DOCK11: variants seen among roughly 807,000 people sequenced by gnomAD.
DOCK11 encodes the protein dedicator of cytokinesis protein 11.
A neutral mutation model predicts 169.1 loss-of-function variants in DOCK11; 70 were observed. The observed-to-expected ratio is 0.41, with a 90% CI of 0.34 to 0.51. The LOEUF (loss-of-function observed/expected upper bound fraction) is 0.51, where lower values mean the gene tolerates loss of function less well. DOCK11 is among the 20% of genes least tolerant of loss of function. The pLI is 0.10. For missense variants in DOCK11, 1,166 were observed against 1,538.8 expected, an observed-to-expected ratio of 0.76 and a Z score of 4.05; for synonymous variants, 529 against 541.3, an observed-to-expected ratio of 0.98 and a Z score of 0.32.
intron 31 of DOCK11, among the ~76,000 whole-genome samples, chrX:118,620,917 A>G (rs1401848377): frequency 8.9e-6 from 1 of 112,861 alleles, no homozygotes; most frequent in Admixed American, 9.4e-5. Context: ...GCCTTTTCAC[A>G]TGAAAGAGAA....
chrX:118,641,343 C>A lies in DOCK11; in HGVS notation c.4260+38C>A, dbSNP rs774599985. On this transcript the variant is annotated intron_variant, in intron 39 of 52. Coordinates refer to ENST00000276202, the MANE Select transcript of DOCK11 (RefSeq NM_144658.4). ...AGTTATAATTCAGTTGGTACCATTG[C>A]AAAGTAACATTATGCAGAAATTACC... 14 of 996,863 alleles carry A rather than the reference C, an allele frequency of 1.4e-5. No homozygotes were observed. In the Admixed American group the frequency reaches 3.2e-4, roughly 23 times the overall value. The allele number at this position is 996,863 out of a possible 1,213,427, so 82.2% of individuals were successfully genotyped here. A position where few individuals can be genotyped will look rare whatever the true frequency, so the allele number is the denominator to read the frequency against.
chrX:118,526,237 C>T (rs1454968646), intron 1 of DOCK11, among the ~76,000 whole-genome samples: 1 of 111,943 alleles, frequency 8.9e-6, no homozygotes, highest in African/African-American at 3.3e-5. Flanking sequence ...GTCATTCTCA[C>T]ATCCCTTACT....
intron 1 of DOCK11, among the ~76,000 whole-genome samples, chrX:118,514,933 C>A (rs1439154687): frequency 8.9e-6 from 1 of 112,015 alleles, no homozygotes; most frequent in African/African-American, 3.2e-5. Context: ...TGGCCTAAAA[C>A]AAGTTTGTTC....
intron 10 of DOCK11, among the ~76,000 whole-genome samples, chrX:118,571,573 C>T (rs2013274573): frequency 9.0e-6 from 1 of 110,949 alleles, no homozygotes; most frequent in Admixed American, 9.6e-5. Flanking sequence ...TGGTCTCGAA[C>T]TCCTGGCCTC....
chrX:118,622,293 C>T lies in DOCK11; in HGVS notation c.3472-2246C>T, dbSNP rs967191641. Among the ~76,000 whole-genome samples, 16 of 111,843 alleles carry T rather than the reference C, an allele frequency of 1.4e-4. 1 individual carries two copies. Among genetic ancestry groups the T allele is most frequent in the Admixed American group, 8.6e-4 (9 of 10,511 alleles). On this transcript the variant is annotated intron_variant, in intron 31 of 52. Coordinates refer to ENST00000276202, the MANE Select transcript of DOCK11 (RefSeq NM_144658.4). ...TATATGTATAAAATATAACAGAAACCATTATACATTTTTCTTTTTTCACTT... is the reference window on the plus strand; with the variant it reads ...TATATGTATAAAATATAACAGAAACTATTATACATTTTTCTTTTTTCACTT...
intron 1 of DOCK11, 116 bp downstream of exon 1, chrX:118,496,189 C>A: frequency 2.0e-6 from 1 of 508,678 alleles, no homozygotes; most frequent in Non-Finnish European, 2.6e-6. Flanking sequence ...TGTCTTTCTC[C>A]GCTCCAGTAA....
In DOCK11 at chrX:118,506,794, T is replaced by C. The variant is rs138675060; in HGVS notation, c.102+10721T>C. Among the ~76,000 whole-genome samples, 288 of 112,546 alleles carry C rather than the reference T, an allele frequency of 2.6e-3. 2 individuals carry two copies. The highest frequency in any genetic ancestry group is 8.5e-3 in the African/African-American group (263 of 31,040). ...GTAGCAGGATAAGTTCTGTTAAGGA[T>C]AGTGTGTGGCTGGGCATGATGGCTA... is the stretch of plus-strand genomic sequence containing the variant. On this transcript the variant is annotated intron_variant, in intron 1 of 52. Transcript: ENST00000276202.
At chrX:118,564,620 T>A (rs1371924675) in intron 7 of DOCK11, among the ~76,000 whole-genome samples, 1 of 112,077 alleles carries the variant, frequency 8.9e-6, no homozygotes, top group Non-Finnish European at 1.9e-5. Context: ...TTATTTTTTC[T>A]TTCTTTTTTA....
At chrX:118,528,671 G>A (rs1038240780) in intron 1 of DOCK11, among the ~76,000 whole-genome samples, 2 of 110,724 alleles carry the variant, frequency 1.8e-5, no homozygotes. Flanking sequence ...GGGCGTGGGC[G>A]AGTGCTTCTT....
At chrX:118,612,992 C>G (rs1285666279) in intron 28 of DOCK11, among the ~76,000 whole-genome samples, 1 of 111,768 alleles carries the variant, frequency 8.9e-6, no homozygotes, top group Non-Finnish European at 1.9e-5. Context: ...ATTAGAAAAC[C>G]AATCATCCGC....
At chrX:118,536,038 T>A (rs1426753897) in intron 1 of DOCK11, among the ~76,000 whole-genome samples, 3 of 112,119 alleles carry the variant, frequency 2.7e-5, no homozygotes, top group East Asian at 5.6e-4. Context: ...CTGGACACAG[T>A]GGCTCATGCC....
intron 14 of DOCK11, among the ~76,000 whole-genome samples, chrX:118,582,479 G>A (rs898114113): frequency 9.0e-6 from 1 of 111,415 alleles, no homozygotes; most frequent in African/African-American, 3.3e-5. Context: ...GTTCTAATGA[G>A]GAATTAAGGT....
chrX:118,591,147 C>T (rs2013981353), intron 19 of DOCK11, among the ~76,000 whole-genome samples: 2 of 112,134 alleles, frequency 1.8e-5, no homozygotes, highest in African/African-American at 6.5e-5. Flanking sequence ...ACCATCCCCC[C>T]GGCTGTGGTG....
chrX:118,541,493 G>C (rs773617605), intron 1 of DOCK11, among the ~76,000 whole-genome samples: 2 of 111,848 alleles, frequency 1.8e-5, no homozygotes, highest in Admixed American at 1.9e-4. Flanking sequence ...TGCAGAAGTG[G>C]GTGCCGTCTT....
At chrX:118,626,026 A>G (rs986151697) in intron 32 of DOCK11, among the ~76,000 whole-genome samples, 2 of 107,033 alleles carry the variant, frequency 1.9e-5, no homozygotes, top group African/African-American at 3.4e-5. Context: ...TCTCCAAGCC[A>G]CCAAATATCT....
rs1025757920 is a variant in DOCK11 at position 118,542,659 on chromosome X, T to C, written c.103-66T>C. ...CCTTTGAGAAGTAATGTATCTTTAGTACATAGAAAGTTATTTAACTCTTGT... is the reference window on the plus strand; with the variant it reads ...CCTTTGAGAAGTAATGTATCTTTAGCACATAGAAAGTTATTTAACTCTTGT... On this transcript the variant is annotated intron_variant, in intron 1 of 52. Transcript: ENST00000276202. 10 of 791,690 alleles carry C rather than the reference T, an allele frequency of 1.3e-5. No individual in the cohort carries two copies. The South Asian group carries it at 2.2e-4, about 17-fold the overall frequency. 65.2% of individuals were successfully genotyped at this position (791,690 alleles called of 1,213,427 possible). A position where few individuals can be genotyped will look rare whatever the true frequency, so the allele number is the denominator to read the frequency against.
chrX:118,627,455 C>T, intron 32 of DOCK11, 49 bp from the exon 33 acceptor site: 1 of 898,546 alleles, frequency 1.1e-6, no homozygotes, highest in South Asian at 2.1e-5. Context: ...GATTTCTTAT[C>T]CTATATACGA....
chrX:118,499,509 G>A (rs535162485), intron 1 of DOCK11, among the ~76,000 whole-genome samples: 2 of 111,947 alleles, frequency 1.8e-5, no homozygotes, highest in Non-Finnish European at 3.8e-5. Context: ...AGCGTCTGCA[G>A]CTGTTGACTC....
chrX:118,576,834 C>G (rs1406950740), intron 12 of DOCK11, among the ~76,000 whole-genome samples: 1 of 112,375 alleles, frequency 8.9e-6, no homozygotes, highest in Non-Finnish European at 1.9e-5. Flanking sequence ...TAGCAATAAT[C>G]AGTATTACTG....
Sources: allele counts gnomAD v4.1 joint callset (sites outside exome capture counted in the v4.1 genomes callset), GRCh38; gene constraint gnomAD v4.1.1; transcripts MANE v1.5; gene names NCBI Gene and HGNC (gene_info 2026-07-23, HGNC 2026-07-21).